CNTNAP2: variants seen among roughly 807,000 people sequenced by gnomAD.
The protein encoded by CNTNAP2 is contactin associated protein 2.
Under a neutral mutation model 155.2 loss-of-function variants are expected in CNTNAP2, and 98 were observed. That is an observed-to-expected ratio of 0.63 (90% confidence interval 0.54 to 0.75). The LOEUF (loss-of-function observed/expected upper bound fraction) is 0.75. Among genes scored for constraint, CNTNAP2 ranks in the 30% least tolerant of loss-of-function variants. CNTNAP2 has a pLI of 0.00. For missense variants in CNTNAP2, 1,727 were observed against 1,688.1 expected, an observed-to-expected ratio of 1.02 and a Z score of -0.40; for synonymous variants, 651 against 631.2, an observed-to-expected ratio of 1.03 and a Z score of -0.47.
At chr7:146,686,310 T>C (rs1006890914) in intron 1 of CNTNAP2, among the ~76,000 whole-genome samples, 1 of 151,058 alleles carries the variant, frequency 6.6e-6, no homozygotes, top group African/African-American at 2.4e-5. Context: ...AAAAAAAAAA[T>C]CAAACAATTT....
intron 1 of CNTNAP2, among the ~76,000 whole-genome samples, chr7:146,249,724 A>G (rs899583613): frequency 6.6e-6 from 1 of 152,140 alleles, no homozygotes; most frequent in Non-Finnish European, 1.5e-5. Context: ...GACACTTTTC[A>G]TTATTACGCT....
At chr7:146,457,566 C>T (rs138284808) in intron 1 of CNTNAP2, among the ~76,000 whole-genome samples, 9,544 of 139,802 alleles carry the variant, frequency 0.068, 501 homozygotes, top group Non-Finnish European at 0.11. Context: ...TGCAGTGGCA[C>T]GATCTTGGCT....
chr7:147,557,443 C>T (rs1338528562), intron 11 of CNTNAP2, among the ~76,000 whole-genome samples: 2 of 151,834 alleles, frequency 1.3e-5, no homozygotes, highest in African/African-American at 2.4e-5. Context: ...ACAAATAAAT[C>T]AATAGACTTG....
At chr7:147,043,807 C>T in intron 3 of CNTNAP2, 100 bp from the exon 4 acceptor site, 5 of 1,381,364 alleles carry the variant, frequency 3.6e-6, no homozygotes, top group South Asian at 1.2e-5. Flanking sequence ...AATCACAAGC[C>T]CTACCATTGG....
At chr7:146,741,145 T>C (rs1456350595) in intron 1 of CNTNAP2, among the ~76,000 whole-genome samples, 1 of 152,132 alleles carries the variant, frequency 6.6e-6, no homozygotes, top group Non-Finnish European at 1.5e-5. Context: ...AGGGGTGATG[T>C]GGGTATTGTA....
At chr7:146,562,433 A>C (rs953337568) in intron 1 of CNTNAP2, among the ~76,000 whole-genome samples, 1 of 152,182 alleles carries the variant, frequency 6.6e-6, no homozygotes, top group Non-Finnish European at 1.5e-5. Flanking sequence ...GAAAACATAC[A>C]TGTTAATTTA....
chr7:146,748,138 CT>C (rs1327467369), intron 1 of CNTNAP2, among the ~76,000 whole-genome samples: 2 of 108,508 alleles, frequency 1.8e-5, no homozygotes, highest in Non-Finnish European at 3.6e-5. Flanking sequence ...CTTTTCTTTT[CT>C]TTTCTTTTTT....
intron 10 of CNTNAP2, among the ~76,000 whole-genome samples, chr7:147,406,422 G>A (rs1016087824): frequency 3.3e-5 from 5 of 151,866 alleles, no homozygotes; most frequent in Non-Finnish European, 7.4e-5. Flanking sequence ...TCTATGCCAA[G>A]AAAAAAACAG....
intron 1 of CNTNAP2, among the ~76,000 whole-genome samples, chr7:146,218,583 T>A (rs1321535430): frequency 1.3e-5 from 2 of 151,828 alleles, no homozygotes; most frequent in African/African-American, 4.8e-5. Flanking sequence ...AACGAAAAAA[T>A]AAAAATATAT....
intron 10 of CNTNAP2, among the ~76,000 whole-genome samples, chr7:147,458,989 T>G (rs1359159872): frequency 6.6e-6 from 1 of 152,054 alleles, no homozygotes. Flanking sequence ...TTTTTACCAC[T>G]GTGCCACTAT....
chr7:147,510,849 C>CTATATATATATATATATA (rs1799003313), intron 11 of CNTNAP2, among the ~76,000 whole-genome samples: 1 of 18,590 alleles, frequency 5.4e-5, no homozygotes, highest in African/African-American at 3.6e-4. Flanking sequence ...GGGCCTACAA[C>CTATATATATATATATATA]CATATATATA....
chr7:146,375,479 A>T (rs529730870), intron 1 of CNTNAP2, among the ~76,000 whole-genome samples: 2 of 152,330 alleles, frequency 1.3e-5, no homozygotes, highest in East Asian at 3.9e-4. Context: ...TGTGAATTAC[A>T]TTCATCTAAT....
chr7:146,902,856 T>C (rs949143443), intron 3 of CNTNAP2, among the ~76,000 whole-genome samples: 7 of 152,200 alleles, frequency 4.6e-5, no homozygotes, highest in Admixed American at 1.3e-4. Context: ...GGGCCCTCGA[T>C]GACATGGTTT....
At chr7:147,884,722 CTTATTA>C (rs1045344825) in intron 13 of CNTNAP2, among the ~76,000 whole-genome samples, 47 of 152,260 alleles carry the variant, frequency 3.1e-4, no homozygotes, top group African/African-American at 1.0e-3. Flanking sequence ...AAATCTGCCA[CTTATTA>C]TTGTTATTGA....
chr7:147,109,870 G>A (rs975458251), intron 5 of CNTNAP2, among the ~76,000 whole-genome samples: 1 of 151,500 alleles, frequency 6.6e-6, no homozygotes, highest in Non-Finnish European at 1.5e-5. Flanking sequence ...TCAAATTACT[G>A]TTTTATGTGG....
At position 147,988,735 on chromosome 7, in the gene CNTNAP2, T is replaced by A. The variant is rs142166733; in HGVS notation, c.2383+10746T>A. 5.6e-3 allele frequency among the ~76,000 whole-genome samples: 849 copies of A among 152,294 alleles called. 7 individuals are homozygous for A. The highest frequency in any genetic ancestry group is 6.7e-3 in the Non-Finnish European group (458 of 68,014). On this transcript the variant is annotated intron_variant, in intron 15 of 23. Coordinates refer to ENST00000361727, the MANE Select transcript of CNTNAP2 (RefSeq NM_014141.6). ...GCATCCCCAGATGCAGGCGGGAGAT[T>A]TCTCTGCAAATTGAATCCCCGTAAT...
chr7:147,290,672 G>C (rs1805284749), intron 8 of CNTNAP2, among the ~76,000 whole-genome samples: 2 of 115,330 alleles, frequency 1.7e-5, no homozygotes, highest in Non-Finnish European at 3.3e-5. Context: ...GACAGAGTGA[G>C]ACTCCATCTC....
In CNTNAP2 at chr7:148,291,291, T is replaced by C. The variant is rs981541536; in HGVS notation, c.3475+24165T>C. 1.9e-3 allele frequency among the ~76,000 whole-genome samples: 158 copies of C among 84,734 alleles called. 1 individual carries two copies. The highest frequency in any genetic ancestry group is 6.2e-3 in the African/African-American group (154 of 24,906). The allele number at this position is 84,734 out of a possible 152,430, so 55.6% of individuals were successfully genotyped here. ...CTAGAGGGACAGAACTAATGGAATATATATATAATATATATATATATAAAA... is the reference window on the plus strand; with the variant it reads ...CTAGAGGGACAGAACTAATGGAATACATATATAATATATATATATATAAAA... On this transcript the variant is annotated intron_variant, in intron 21 of 23. Transcript: ENST00000361727.
intron 8 of CNTNAP2, among the ~76,000 whole-genome samples, chr7:147,259,806 T>G (rs1325179484): frequency 6.6e-6 from 1 of 152,210 alleles, no homozygotes; most frequent in Non-Finnish European, 1.5e-5. Flanking sequence ...CCTAGAGAAG[T>G]AGAGAATGCT....
Sources: gnomAD v4.1 joint callset for allele counts (sites outside exome capture counted in the v4.1 genomes callset) on GRCh38, gnomAD v4.1.1 for gene constraint, MANE v1.5 for transcripts, NCBI Gene and HGNC (gene_info 2026-07-23, HGNC 2026-07-21) for gene names.